ALKBH8: variants seen among roughly 807,000 people sequenced by gnomAD.
ALKBH8 encodes the protein alkB homolog 8, tRNA methyltransferase, also known as tRNA (carboxymethyluridine(34)-5-O)-methyltransferase ALKBH8.
Under a neutral mutation model 59.8 loss-of-function variants are expected in ALKBH8, and 36 were observed. That is an observed-to-expected ratio of 0.60 (90% CI 0.46 to 0.79). The LOEUF (loss-of-function observed/expected upper bound fraction) is 0.79. ALKBH8 is among the 30% of genes least tolerant of loss of function. ALKBH8 has a pLI of 0.00. For missense variants in ALKBH8, 768 were observed against 801.0 expected (o/e 0.96, Z 0.50); for synonymous variants, 276 against 273.6 (o/e 1.01, Z -0.09).
At position 107,504,546 on chromosome 11, in the gene ALKBH8, C is replaced by G. The variant is rs1862294304; in HGVS notation, c.*112G>C. 7.2e-7 allele frequency: 1 copy of G among 1,384,088 alleles called. No individual in the cohort carries two copies. 85.7% of individuals were successfully genotyped at this position (1,384,088 alleles called of 1,614,324 possible). On this transcript the variant is annotated 3_prime_UTR_variant, in exon 12 of 12. Transcript: ENST00000428149. ...TACTTCCAAATTTTTCTCAGCTTTCCTTTGGTACTTTCCCACAAGTTTTCT... is the reference window on the plus strand; with the variant it reads ...TACTTCCAAATTTTTCTCAGCTTTCGTTTGGTACTTTCCCACAAGTTTTCT...
At chr11:107,535,268 C>T (rs2135532472) in intron 7 of ALKBH8, among the ~76,000 whole-genome samples, 1 of 152,200 alleles carries the variant, frequency 6.6e-6, no homozygotes, top group Middle Eastern at 3.4e-3. Flanking sequence ...GGGTAGATAC[C>T]TGGGAGTGGG....
At chr11:107,553,455 T>C (rs972189358) in intron 4 of ALKBH8, among the ~76,000 whole-genome samples, 11 of 152,114 alleles carry the variant, frequency 7.2e-5, no homozygotes, top group South Asian at 2.1e-4. Flanking sequence ...ATTTACAACA[T>C]TGCCAATGAG....
intron 7 of ALKBH8, among the ~76,000 whole-genome samples, chr11:107,545,948 A>G (rs499499): frequency 0.75 from 114,208 of 151,666 alleles, 44,146 homozygotes; most frequent in South Asian, 0.85. Flanking sequence ...ATAACACAAC[A>G]ACGCACTCTT....
chr11:107,523,831 A>G (rs1863237410), intron 9 of ALKBH8, among the ~76,000 whole-genome samples: 1 of 151,860 alleles, frequency 6.6e-6, no homozygotes. Flanking sequence ...CGAACTCCTG[A>G]CCTCAGATAA....
In ALKBH8 at chr11:107,529,798, G is replaced by A. The variant is rs114225865; in HGVS notation, c.878+2502C>T. ...ATTACAGGCATGAGCCACCGCACCC[G>A]GCCCTGTCTCCTACTTTTAATACAG... On this transcript the variant is annotated intron_variant, in intron 8 of 11. Transcript: ENST00000428149. Among the ~76,000 whole-genome samples, 474 of 152,134 alleles carry A rather than the reference G, an allele frequency of 3.1e-3. 5 individuals carry two copies. The highest frequency in any genetic ancestry group is 0.011 in the African/African-American group (454 of 41,486).
intron 10 of ALKBH8, among the ~76,000 whole-genome samples, chr11:107,519,604 G>A (rs1313774805): frequency 6.6e-6 from 1 of 152,116 alleles, no homozygotes; most frequent in East Asian, 1.9e-4. Context: ...TTAGATTTCA[G>A]AATTTTTTGG....
intron 7 of ALKBH8, among the ~76,000 whole-genome samples, chr11:107,537,291 C>T (rs1009995330): frequency 1.3e-5 from 2 of 152,262 alleles, no homozygotes; most frequent in Non-Finnish European, 2.9e-5. Flanking sequence ...ATAGCAAAGA[C>T]ATGGAATCAA....
chr11:107,517,038 A>ACAAAT (rs1862892786), intron 10 of ALKBH8, among the ~76,000 whole-genome samples: 1 of 152,180 alleles, frequency 6.6e-6, no homozygotes, highest in South Asian at 2.1e-4. Flanking sequence ...ACAAAACAAA[A>ACAAAT]CAAAGCAAAA....
chr11:107,549,113 A>G (rs1864391075), intron 7 of ALKBH8, among the ~76,000 whole-genome samples: 1 of 152,156 alleles, frequency 6.6e-6, no homozygotes, highest in Non-Finnish European at 1.5e-5. Context: ...AGCCTCCCAA[A>G]GTGCTGGGAT....
Position 107,551,839 on chromosome 11 carries a change from T to C in ALKBH8, c.669A>G (p.Gln223=). Residue 223 remains glutamine (Q), a synonymous_variant, in exon 6 of 12, where the codon CAA becomes CAG. Coordinates refer to ENST00000428149, the MANE Select transcript of ALKBH8 (RefSeq NM_138775.3). ...RKGYIKHKPD[Q]MTINQYEPGQ... Reference sequence around the variant, plus strand: ...CAGGTTCATACTGATTTATGGTCATTTGATCAGGTTTATGTTTAATGTAAC... The same window carrying C: ...CAGGTTCATACTGATTTATGGTCATCTGATCAGGTTTATGTTTAATGTAAC... 6.5e-7 allele frequency: 1 copy of C among 1,546,108 alleles called. No homozygotes were observed. The highest frequency in any genetic ancestry group is 8.7e-7 in the Non-Finnish European group (1 of 1,154,150).
chr11:107,565,478 C>G, intron 1 of ALKBH8, 123 bp downstream of exon 1: 2 of 1,412,352 alleles, frequency 1.4e-6, no homozygotes, highest in East Asian at 2.5e-5. Flanking sequence ...CCTCTGGGAT[C>G]CATCCCCTTT....
intron 10 of ALKBH8, among the ~76,000 whole-genome samples, chr11:107,513,088 G>T (rs1207222045): frequency 6.6e-6 from 1 of 152,176 alleles, no homozygotes; most frequent in Non-Finnish European, 1.5e-5. Context: ...CACGGCAAAA[G>T]AAACTATCAA....
chr11:107,537,342 G>A (rs1423688817), intron 7 of ALKBH8, among the ~76,000 whole-genome samples: 1 of 152,062 alleles, frequency 6.6e-6, no homozygotes, highest in Admixed American at 6.5e-5. Flanking sequence ...AAGAACATGT[G>A]GTACATATAC....
At chr11:107,522,239 A>T in intron 10 of ALKBH8, 60 bp downstream of exon 10, 1 of 1,519,116 alleles carries the variant, frequency 6.6e-7, no homozygotes, top group East Asian at 2.5e-5. Context: ...CATGAGGAAG[A>T]AAGATGATGA....
chr11:107,543,127 A>G (rs916198548), intron 7 of ALKBH8, among the ~76,000 whole-genome samples: 1 of 152,198 alleles, frequency 6.6e-6, no homozygotes, highest in Non-Finnish European at 1.5e-5. Flanking sequence ...TCACAAGGTC[A>G]GGAGTTCAAG....
intron 7 of ALKBH8, among the ~76,000 whole-genome samples, chr11:107,537,685 C>T (rs897860860): frequency 6.8e-6 from 1 of 147,156 alleles, no homozygotes; most frequent in Non-Finnish European, 1.5e-5. Flanking sequence ...CAAACCTGCA[C>T]ATGTACCCCT....
Position 107,522,411 on chromosome 11 carries a change from G to A in ALKBH8, c.1175C>T (p.Thr392Ile), listed in dbSNP as rs904720798. The A allele has an allele frequency of 1.3e-6, 2 of 1,551,644 alleles. No individual in the cohort carries two copies. The highest frequency in any genetic ancestry group is 1.7e-6 in the Non-Finnish European group (2 of 1,147,012). ...IAGHFSSTRH[T>I]PWPHIVEFLK... is the part of the protein sequence containing the mutation. ...AAACTCCACAATGTGCGGCCAAGGG[G>A]TATGTCTTGTGCTGCTGAAGTGCCC... Residue 392 changes from threonine to isoleucine, a missense_variant, in exon 10 of 12, where the codon ACC becomes ATC. Physicochemically the swap from Thr to Ile is moderately conservative, Grantham distance 89. Transcript: ENST00000428149.
At chr11:107,557,730 T>G (rs967897984) in intron 2 of ALKBH8, among the ~76,000 whole-genome samples, 1 of 152,216 alleles carries the variant, frequency 6.6e-6, no homozygotes, top group African/African-American at 2.4e-5. Context: ...TCACGATTAC[T>G]TCCTGCTGTT....
At chr11:107,552,946 TACA>T (rs762176311) in intron 5 of ALKBH8, among the ~76,000 whole-genome samples, 159 bp downstream of exon 5, 36 of 152,178 alleles carry the variant, frequency 2.4e-4, no homozygotes, top group Non-Finnish European at 4.4e-4. Context: ...GAAATTTTTT[TACA>T]ACAAAACTAT....
Sources: gnomAD v4.1 joint callset for allele counts (sites outside exome capture counted in the v4.1 genomes callset) on GRCh38, gnomAD v4.1.1 for gene constraint, MANE v1.5 for transcripts, NCBI Gene and HGNC (gene_info 2026-07-23, HGNC 2026-07-21) for gene names.